The following HTT-AS variants were observed in gnomAD, a reference collection of about 807,000 sequenced individuals.
HTT-AS encodes HTT antisense RNA.
At chr4:3,064,172 T>A (rs962464758) in intron 1 of HTT-AS, among the ~76,000 whole-genome samples, 1 of 148,950 alleles carries the variant, frequency 6.7e-6, no homozygotes, top group Non-Finnish European at 1.5e-5. Context: ...CTCAGCTCAC[T>A]ACAAGCTCTG....
chr4:3,060,897 T>G (rs1044340951), intron 2 of HTT-AS, among the ~76,000 whole-genome samples: 1 of 152,204 alleles, frequency 6.6e-6, no homozygotes, highest in Admixed American at 6.5e-5. Flanking sequence ...CAACCAATCT[T>G]TGGGCCCTGT....
At chr4:3,071,677 G>C (rs1381008159) in intron 1 of HTT-AS, among the ~76,000 whole-genome samples, 4 of 152,136 alleles carry the variant, frequency 2.6e-5, no homozygotes, top group Non-Finnish European at 5.9e-5. Flanking sequence ...CCTCAGAATG[G>C]GATTGTATTT....
chr4:3,047,324 AAAAAC>A (rs1027511886), downstream of HTT-AS, among the ~76,000 whole-genome samples: 38 of 152,150 alleles, frequency 2.5e-4, no homozygotes, highest in African/African-American at 2.7e-4. Flanking sequence ...AAACAAAAAC[AAAAAC>A]AAAACAAAAC....
intron 1 of HTT-AS, among the ~76,000 whole-genome samples, chr4:3,068,220 G>A (rs891864447): frequency 1.2e-4 from 18 of 150,604 alleles, no homozygotes; most frequent in African/African-American, 3.9e-4. Flanking sequence ...GCAGGAGAAT[G>A]GCGTGAACCC....
chr4:3,071,653 C>T (rs1392614958), intron 1 of HTT-AS, among the ~76,000 whole-genome samples: 1 of 152,116 alleles, frequency 6.6e-6, no homozygotes, highest in Non-Finnish European at 1.5e-5. Flanking sequence ...AGGTTGATGT[C>T]CTAAGCCCCA....
At chr4:3,062,576 G>A (rs1390025215) in exon 2 of HTT-AS, among the ~76,000 whole-genome samples, 4 of 152,022 alleles carry the variant, frequency 2.6e-5, no homozygotes, top group East Asian at 3.9e-4. Context: ...GCTCATTCTC[G>A]AAGTCTCAAA....
At chr4:3,063,579 G>A in exon 2 of HTT-AS, 1 of 152,494 alleles carries the variant, frequency 6.6e-6, no homozygotes, top group Non-Finnish European at 1.5e-5. Flanking sequence ...ACTCCTGGCA[G>A]CTCAAACGGC....
intron 2 of HTT-AS, among the ~76,000 whole-genome samples, chr4:3,061,391 C>T (rs146011063): frequency 1.2e-4 from 19 of 152,276 alleles, no homozygotes; most frequent in Non-Finnish European, 2.4e-4. Flanking sequence ...TCAGAATATG[C>T]GTCTATTGAC....
chr4:3,055,557 T>C (rs1711790983), intron 2 of HTT-AS, among the ~76,000 whole-genome samples: 1 of 152,252 alleles, frequency 6.6e-6, no homozygotes, highest in Non-Finnish European at 1.5e-5. Flanking sequence ...GTCAGTGCAC[T>C]GTTGTTCATT....
At chr4:3,071,190 C>A (rs1399116684) in intron 1 of HTT-AS, among the ~76,000 whole-genome samples, 1 of 152,174 alleles carries the variant, frequency 6.6e-6, no homozygotes, top group Non-Finnish European at 1.5e-5. Context: ...AACAGAATGA[C>A]CTGGAGTCAC....
At chr4:3,063,475 CTCT>C (rs1560531048) in exon 2 of HTT-AS, 1 of 152,304 alleles carries the variant, frequency 6.6e-6, no homozygotes, top group African/African-American at 2.4e-5. Context: ...GCAAGGAGGT[CTCT>C]GCACTGGCCA....
At chr4:3,054,453 G>C (rs189134396) in intron 2 of HTT-AS, among the ~76,000 whole-genome samples, 22 of 152,258 alleles carry the variant, frequency 1.4e-4, no homozygotes, top group Admixed American at 7.8e-4. Flanking sequence ...TACATGCAAG[G>C]TGTGTGAGGA....
chr4:3,072,345 A>G (rs532092682), intron 1 of HTT-AS, among the ~76,000 whole-genome samples: 1 of 152,364 alleles, frequency 6.6e-6, no homozygotes, highest in South Asian at 2.1e-4. Context: ...TGACTTCATC[A>G]GAGCATCCAT....
At chr4:3,073,718 C>T (rs925871028) in intron 1 of HTT-AS, among the ~76,000 whole-genome samples, 1 of 152,224 alleles carries the variant, frequency 6.6e-6, no homozygotes, top group Non-Finnish European at 1.5e-5. Context: ...CTCCAGCTCA[C>T]TGGGGGTGGG....
chr4:3,070,771 G>A (rs1712158131), intron 1 of HTT-AS, among the ~76,000 whole-genome samples: 2 of 152,238 alleles, frequency 1.3e-5, no homozygotes, highest in East Asian at 1.9e-4. Flanking sequence ...AGCTCCTTCT[G>A]CCCAGCATCT....
At chr4:3,061,549 G>T (rs1005457389) in intron 2 of HTT-AS, among the ~76,000 whole-genome samples, 1 of 152,032 alleles carries the variant, frequency 6.6e-6, no homozygotes, top group Non-Finnish European at 1.5e-5. Context: ...GGGCGTGGTG[G>T]CGGGCGCCTG....
At chr4:3,067,805 G>A (rs1008163738) in intron 1 of HTT-AS, among the ~76,000 whole-genome samples, 8 of 152,164 alleles carry the variant, frequency 5.3e-5, no homozygotes, top group Non-Finnish European at 1.0e-4. Flanking sequence ...GAGCCAGCCT[G>A]TTGCTAGGTT....
rs572684532 is a variant in HTT-AS at position 3,068,254 on chromosome 4, C to T, written n.114-4554G>A. Among the ~76,000 whole-genome samples, 9 of 135,798 alleles carry T rather than the reference C, an allele frequency of 6.6e-5. No individual in the cohort carries two copies. The East Asian group carries it at 1.1e-3, about 16-fold the overall frequency. The allele number at this position is 135,798 out of a possible 152,430, so 89.1% of individuals were successfully genotyped here. On this transcript the variant is annotated intron_variant and non_coding_transcript_variant, in intron 1 of 2. Transcript: ENST00000664062. ...CCGGGAGGCGGAGCTTGCAGTGAGC[C>T]GAGATTGTGCCACTGCACTCCAGCC...
intron 2 of HTT-AS, among the ~76,000 whole-genome samples, chr4:3,055,769 A>C (rs913976084): frequency 2.6e-5 from 4 of 152,214 alleles, no homozygotes; most frequent in Admixed American, 1.3e-4. Context: ...GTGTGCAAGA[A>C]AAATGAAACA....
Sources: gnomAD v4.1 joint callset for allele counts (sites outside exome capture counted in the v4.1 genomes callset) on GRCh38, gnomAD v4.1.1 for gene constraint, MANE v1.5 for transcripts, NCBI Gene and HGNC (gene_info 2026-07-23, HGNC 2026-07-21) for gene names.